CASR: variants seen among roughly 807,000 people sequenced by gnomAD.
CASR encodes the protein extracellular calcium-sensing receptor.
A neutral mutation model predicts 69.1 loss-of-function variants in CASR; 23 were observed. The observed-to-expected ratio is 0.33, with a 90% CI of 0.24 to 0.47. The LOEUF (loss-of-function observed/expected upper bound fraction) is 0.47, where lower values mean the gene tolerates loss of function less well. Ranked by LOEUF, CASR falls within the 20% of genes least tolerant of loss-of-function variation. The pLI is 1.00. For synonymous variants in CASR, 541 were observed against 544.7 expected, an observed-to-expected ratio of 0.99 and a Z score of 0.10; for missense variants, 924 against 1,356.1, an observed-to-expected ratio of 0.68 and a Z score of 5.00.
chr3:122,185,257 C>T (rs1449290769), intron 1 of CASR, among the ~76,000 whole-genome samples: 1 of 152,192 alleles, frequency 6.6e-6, no homozygotes, highest in Non-Finnish European at 1.5e-5. Flanking sequence ...TTTCTACACC[C>T]ATAGCCTTTC....
chr3:122,275,594 T>C (rs2074807593), intron 4 of CASR, among the ~76,000 whole-genome samples: 1 of 152,216 alleles, frequency 6.6e-6, no homozygotes, highest in Non-Finnish European at 1.5e-5. Flanking sequence ...ACCCTAATCA[T>C]AATTTGAATA....
chr3:122,205,403 A>G (rs985267242), intron 1 of CASR, among the ~76,000 whole-genome samples: 1 of 151,974 alleles, frequency 6.6e-6, no homozygotes, highest in Non-Finnish European at 1.5e-5. Flanking sequence ...ATGGATTTCT[A>G]TCTGGGTTCT....
chr3:122,281,993 C>T (rs1199484211), intron 5 of CASR, 120 bp from the exon 6 acceptor site: 15 of 1,434,320 alleles, frequency 1.0e-5, no homozygotes, highest in East Asian at 2.3e-5. Context: ...ATGGGCCCAA[C>T]GTCTGTCACA....
At chr3:122,200,327 T>C (rs2073934732) in intron 1 of CASR, among the ~76,000 whole-genome samples, 1 of 152,164 alleles carries the variant, frequency 6.6e-6, no homozygotes, top group African/African-American at 2.4e-5. Context: ...TATCACACAG[T>C]ACCCCATAAA....
At chr3:122,203,394 A>G (rs1237160971) in intron 1 of CASR, among the ~76,000 whole-genome samples, 1 of 152,230 alleles carries the variant, frequency 6.6e-6, no homozygotes, top group Non-Finnish European at 1.5e-5. Context: ...CCTAGATGGT[A>G]TAGCCTACTT....
intron 1 of CASR, among the ~76,000 whole-genome samples, chr3:122,203,597 T>A (rs2073978561): frequency 6.6e-6 from 1 of 152,148 alleles, no homozygotes; most frequent in Admixed American, 6.5e-5. Flanking sequence ...TATAATAAGG[T>A]ACTTACCATG....
chr3:122,260,698 A>ATT (rs1335601672), intron 3 of CASR, among the ~76,000 whole-genome samples: 2 of 152,122 alleles, frequency 1.3e-5, no homozygotes, highest in Non-Finnish European at 2.9e-5. Context: ...ATAAAAAAAA[A>ATT]AAAAAAGTGG....
At chr3:122,238,169 G>A (rs1386071161) in intron 1 of CASR, among the ~76,000 whole-genome samples, 6 of 152,316 alleles carry the variant, frequency 3.9e-5, no homozygotes, top group African/African-American at 1.4e-4. Context: ...AGGAAAGACA[G>A]CCTTGAATCG....
At position 122,188,210 on chromosome 3, in the gene CASR, A is replaced by G. The variant is rs569589936; in HGVS notation, c.-243+4398A>G. ...ATTTAGAGACATTATAACCATTTAG[A>G]TAATGGTAATGATGGCCTGAACCAT... On this transcript the variant is annotated intron_variant, in intron 1 of 6. Transcript: ENST00000639785. Among the ~76,000 whole-genome samples, 4 of 152,354 alleles carry G rather than the reference A, an allele frequency of 2.6e-5. No individual in the cohort carries two copies. The East Asian group carries it at 5.8e-4, about 22-fold the overall frequency.
intron 1 of CASR, among the ~76,000 whole-genome samples, chr3:122,249,038 C>T (rs935747677): frequency 1.3e-5 from 2 of 152,210 alleles, no homozygotes; most frequent in Admixed American, 6.5e-5. Context: ...CCATCAGTCT[C>T]GTGGGGTGAC....
intron 1 of CASR, among the ~76,000 whole-genome samples, chr3:122,224,251 T>C (rs2107603822): frequency 6.6e-6 from 1 of 152,182 alleles, no homozygotes; most frequent in East Asian, 1.9e-4. Flanking sequence ...GAAGTCAAGG[T>C]TTCTCTCTTC....
In CASR at chr3:122,200,654, T is replaced by TTA. The variant is rs369227070; in HGVS notation, c.-243+16842_-243+16843insTA. Among the ~76,000 whole-genome samples the TTA allele has an allele frequency of 1.7e-3, 252 of 152,344 alleles. 1 individual carries two copies. Among genetic ancestry groups the TTA allele is most frequent in the Middle Eastern group, 3.4e-3 (1 of 294 alleles). On this transcript the variant is annotated intron_variant, in intron 1 of 6. Transcript: ENST00000639785. ...TCTGTTCTTCTGTCAGTGGAGCAGT[T>TTA]GGTATTTGTGGTTTCCTGCTGTTAT...
At chr3:122,265,616 C>A (rs1391361341) in intron 4 of CASR, among the ~76,000 whole-genome samples, 2 of 152,222 alleles carry the variant, frequency 1.3e-5, no homozygotes, top group Non-Finnish European at 2.9e-5. Context: ...TTGCAGGGAA[C>A]CGTTTGAGCC....
chr3:122,262,464 C>T, intron 4 of CASR, 52 bp downstream of exon 4: 1 of 1,529,404 alleles, frequency 6.5e-7, no homozygotes, highest in Non-Finnish European at 9.0e-7. Context: ...CAGAGTTGGG[C>T]TGCAACTCCA....
At chr3:122,192,349 G>A (rs1473807756) in intron 1 of CASR, among the ~76,000 whole-genome samples, 3 of 152,082 alleles carry the variant, frequency 2.0e-5, no homozygotes, top group African/African-American at 4.8e-5. Context: ...GCTGTTATGT[G>A]GCTTAAATGG....
chr3:122,274,449 G>C (rs769432547), intron 4 of CASR, among the ~76,000 whole-genome samples: 7 of 152,228 alleles, frequency 4.6e-5, no homozygotes, highest in Admixed American at 1.3e-4. Flanking sequence ...TCTCTGGAGT[G>C]GAGTGGGACA....
rs1194934360 is a variant in CASR, at chr3:122,288,604, G to A, written c.*3413G>A. The A allele has an allele frequency of 6.6e-6, 1 of 151,822 alleles. No individual in the cohort carries two copies. The highest frequency in any genetic ancestry group is 1.5e-5 in the Non-Finnish European group (1 of 67,996). The allele number at this position is 151,822 out of a possible 1,614,324, so 9.4% of individuals were successfully genotyped here. On this transcript the variant is annotated 3_prime_UTR_variant, in exon 7 of 7. Transcript: ENST00000639785. ...ATTCTATTCCTCTACATCTGCTTGG[G>A]AAAGTATAAACCTCATATTCTAAGT...
At chr3:122,199,037 A>G (rs937916917) in intron 1 of CASR, among the ~76,000 whole-genome samples, 1 of 152,234 alleles carries the variant, frequency 6.6e-6, no homozygotes, top group African/African-American at 2.4e-5. Flanking sequence ...ATATTTACAT[A>G]TTCAGTTCAT....
At chr3:122,217,365 T>C (rs563527584) in intron 1 of CASR, among the ~76,000 whole-genome samples, 84 of 152,202 alleles carry the variant, frequency 5.5e-4, no homozygotes, top group African/African-American at 2.0e-3. Flanking sequence ...CCTCCCACGG[T>C]GCTGGGATTA....
Sources: allele counts gnomAD v4.1 joint callset (sites outside exome capture counted in the v4.1 genomes callset), GRCh38; gene constraint gnomAD v4.1.1; transcripts MANE v1.5; gene names NCBI Gene and HGNC (gene_info 2026-07-23, HGNC 2026-07-21).